Variants in RBFOX1 observed in about 807,000 individuals in gnomAD.
RBFOX1 encodes RNA binding fox-1 homolog 1, also known as RNA binding protein fox-1 homolog 1.
A neutral mutation model predicts 57.7 loss-of-function variants in RBFOX1; 8 were observed. The observed-to-expected ratio is 0.14, with a 90% confidence interval of 0.08 to 0.25. The LOEUF (loss-of-function observed/expected upper bound fraction) is 0.25, where lower values mean the gene tolerates loss of function less well. RBFOX1 is among the 10% of genes least tolerant of loss of function. The pLI is 1.00. For missense variants in RBFOX1, 611 were observed against 548.5 expected (o/e 1.11, Z -1.14); for synonymous variants, 326 against 222.4 (o/e 1.47, Z -4.15).
chr16:5,526,006 T>C (rs2044229805), intron 2 of RBFOX1, among the ~76,000 whole-genome samples: 1 of 149,110 alleles, frequency 6.7e-6, no homozygotes, highest in Non-Finnish European at 1.5e-5. Context: ...TGGGATAGTC[T>C]GGTCTGTGGT....
At chr16:7,035,136 C>T (rs915631142) in intron 3 of RBFOX1, among the ~76,000 whole-genome samples, 31 of 152,024 alleles carry the variant, frequency 2.0e-4, no homozygotes, top group Admixed American at 1.3e-3. Flanking sequence ...GTGTGAGCCG[C>T]TGCACCGGGC....
chr16:7,161,496 G>A (rs991222243), intron 4 of RBFOX1, among the ~76,000 whole-genome samples: 1 of 152,072 alleles, frequency 6.6e-6, no homozygotes, highest in Non-Finnish European at 1.5e-5. Flanking sequence ...CACTCTTAGG[G>A]GTTAGGAATC....
chr16:5,325,785 C>T (rs1365419861), intron 1 of RBFOX1, among the ~76,000 whole-genome samples: 1 of 152,204 alleles, frequency 6.6e-6, no homozygotes, highest in Non-Finnish European at 1.5e-5. Context: ...GACTAGTATT[C>T]CATTGTATGG....
intron 3 of RBFOX1, among the ~76,000 whole-genome samples, chr16:5,774,785 C>G (rs2151687298): frequency 6.6e-6 from 1 of 152,270 alleles, no homozygotes; most frequent in African/African-American, 2.4e-5. Flanking sequence ...CGAGTTCAAG[C>G]AATTCTCCTG....
At chr16:5,324,124 G>A (rs954594621) in intron 1 of RBFOX1, among the ~76,000 whole-genome samples, 1 of 152,162 alleles carries the variant, frequency 6.6e-6, no homozygotes, top group African/African-American at 2.4e-5. Context: ...GGGAGGGGGT[G>A]GGGGCTGGAT....
At position 7,578,492 on chromosome 16, in the gene RBFOX1, A is replaced by G. The variant is rs1271406932; in HGVS notation, c.271-1285A>G. ...CAAATGAAACCTTCCAGTACATACC[A>G]GGGCTGATGAGAAACTTGCTAATTA... On this transcript the variant is annotated intron_variant, in intron 5 of 15. Transcript: ENST00000550418. Among the ~76,000 whole-genome samples, 2 of 152,210 alleles carry G rather than the reference A, an allele frequency of 1.3e-5. 1 individual carries two copies. The highest frequency in any genetic ancestry group is 4.8e-5 in the African/African-American group (2 of 41,448).
At chr16:7,095,660 A>G (rs1172680114) in intron 4 of RBFOX1, among the ~76,000 whole-genome samples, 1 of 152,106 alleles carries the variant, frequency 6.6e-6, no homozygotes, top group Non-Finnish European at 1.5e-5. Flanking sequence ...ACAGATGATA[A>G]TCATGTTGGT....
chr16:6,354,318 C>T (rs2086907057), intron 2 of RBFOX1, among the ~76,000 whole-genome samples: 1 of 152,142 alleles, frequency 6.6e-6, no homozygotes, highest in Admixed American at 6.6e-5. Context: ...TTCTGTTGCT[C>T]TCTGTCCATC....
intron 4 of RBFOX1, among the ~76,000 whole-genome samples, chr16:7,070,708 C>G (rs1160631997): frequency 6.6e-6 from 1 of 152,204 alleles, no homozygotes; most frequent in Non-Finnish European, 1.5e-5. Flanking sequence ...TAATACTTTT[C>G]TAAGTAGGCA....
chr16:6,468,013 A>C (rs2095089552), intron 2 of RBFOX1, among the ~76,000 whole-genome samples: 1 of 152,188 alleles, frequency 6.6e-6, no homozygotes, highest in Admixed American at 6.5e-5. Flanking sequence ...GAGTTAAGAG[A>C]AAGAAATTAC....
At chr16:7,569,508 C>T (rs897437487) in intron 5 of RBFOX1, among the ~76,000 whole-genome samples, 1 of 152,152 alleles carries the variant, frequency 6.6e-6, no homozygotes, top group African/African-American at 2.4e-5. Flanking sequence ...CTTCTCAGGA[C>T]CCTGGTGATT....
intron 3 of RBFOX1, among the ~76,000 whole-genome samples, chr16:6,893,548 C>A (rs750075232): frequency 2.0e-5 from 3 of 152,088 alleles, no homozygotes; most frequent in Non-Finnish European, 4.4e-5. Context: ...CTGAATCAAA[C>A]CAAGTCCATG....
intron 4 of RBFOX1, among the ~76,000 whole-genome samples, chr16:7,277,500 T>C (rs924169799): frequency 6.6e-6 from 1 of 152,182 alleles, no homozygotes; most frequent in East Asian, 1.9e-4. Context: ...GAAGCCACAA[T>C]TGTTAGTGTA....
At chr16:7,656,563 T>G (rs2066357920) in intron 12 of RBFOX1, among the ~76,000 whole-genome samples, 1 of 152,120 alleles carries the variant, frequency 6.6e-6, no homozygotes, top group African/African-American at 2.4e-5. Flanking sequence ...TCATCAGGAT[T>G]CAGGTGGTCC....
chr16:6,265,380 G>A (rs977755245), intron 1 of RBFOX1, among the ~76,000 whole-genome samples: 7 of 152,048 alleles, frequency 4.6e-5, no homozygotes, highest in Non-Finnish European at 1.0e-4. Flanking sequence ...TCCTGCCTCA[G>A]CCTCCCGAGT....
intron 2 of RBFOX1, among the ~76,000 whole-genome samples, chr16:6,529,106 T>G (rs1598973010): frequency 6.6e-6 from 1 of 152,172 alleles, no homozygotes; most frequent in African/African-American, 2.4e-5. Flanking sequence ...TGCCACCTTG[T>G]TATACTCCGA....
intron 1 of RBFOX1, among the ~76,000 whole-genome samples, chr16:5,289,807 C>G (rs1031619099): frequency 6.6e-6 from 1 of 152,186 alleles, no homozygotes; most frequent in African/African-American, 2.4e-5. Flanking sequence ...GGCTTTCTTT[C>G]TTACACAGTG....
intron 5 of RBFOX1, among the ~76,000 whole-genome samples, chr16:7,561,671 C>T (rs751247063): frequency 3.9e-5 from 6 of 152,192 alleles, no homozygotes; most frequent in Non-Finnish European, 7.3e-5. Context: ...GAGTGCTTGT[C>T]TCTTTGTTTG....
At chr16:7,517,143 G>A (rs1170180319) in intron 4 of RBFOX1, among the ~76,000 whole-genome samples, 3 of 11,002 alleles carry the variant, frequency 2.7e-4, no homozygotes, top group East Asian at 6.4e-3. Context: ...TATGCCGTGT[G>A]TGTGTGTGTG....
Sources: gnomAD v4.1 joint callset for allele counts (sites outside exome capture counted in the v4.1 genomes callset) on GRCh38, gnomAD v4.1.1 for gene constraint, MANE v1.5 for transcripts, NCBI Gene and HGNC (gene_info 2026-07-23, HGNC 2026-07-21) for gene names.